Variants in NEK4 observed in about 807,000 individuals in gnomAD.
The protein encoded by NEK4 is NIMA related kinase 4, also known as serine/threonine-protein kinase Nek4.
Under a neutral mutation model 98.4 loss-of-function variants are expected in NEK4, and 86 were observed. That is an observed-to-expected ratio of 0.87 (90% CI 0.73 to 1.05). The LOEUF is 1.05. Ranked by LOEUF, NEK4 falls within the 50% of genes least tolerant of loss-of-function variation. NEK4 has a pLI of 0.00. For synonymous variants in NEK4, 328 were observed against 342.2 expected, an observed-to-expected ratio of 0.96 and a Z score of 0.46; for missense variants, 898 against 950.3, an observed-to-expected ratio of 0.94 and a Z score of 0.72.
At chr3:52,714,704 G>A (rs1466302785) in intron 15 of NEK4, among the ~76,000 whole-genome samples, 1 of 152,210 alleles carries the variant, frequency 6.6e-6, no homozygotes, top group Non-Finnish European at 1.5e-5. Flanking sequence ...GGGGCAGGCA[G>A]AGAGGTGCCC....
chr3:52,761,894 T>C (rs1165139480), intron 5 of NEK4, among the ~76,000 whole-genome samples: 1 of 152,212 alleles, frequency 6.6e-6, no homozygotes, highest in African/African-American at 2.4e-5. Context: ...AATAAATGCA[T>C]ACAGGAATAA....
rs143463853 is a variant in NEK4 at position 52,716,397 on chromosome 3, C to T, written c.2434-4528G>A. Among the ~76,000 whole-genome samples, 200 of 152,284 alleles carry T rather than the reference C, an allele frequency of 1.3e-3. 1 individual carries two copies. Among genetic ancestry groups the T allele is most frequent in the African/African-American group, 4.6e-3 (191 of 41,556 alleles). On this transcript the variant is annotated intron_variant, in intron 15 of 15. Coordinates refer to ENST00000233027, the MANE Select transcript of NEK4 (RefSeq NM_003157.6). ...AACCGAAATTGAGCTGTCAAGAAAT[C>T]GAGAGAATGAATTTCCCAAAGAGGC...
Position 52,766,344 on chromosome 3 carries a change from T to C in NEK4, c.392A>G (p.Asp131Gly). The C allele has an allele frequency of 1.2e-6, 2 of 1,613,914 alleles. No individual in the cohort carries two copies. The change falls in exon 3 of 16, where the codon GAT becomes GGT. Residue 131 changes from aspartate to glycine, a missense_variant. Physicochemically the swap from Asp to Gly is moderately conservative, Grantham distance 94 (BLOSUM62 -1). Coordinates refer to ENST00000233027, the MANE Select transcript of NEK4 (RefSeq NM_003157.6). ...YLHEKHILHR[D>G]LKTQNVFLTR... ...TAGGAAGACATTTTGAGTTTTCAGA[T>C]CTCGATGAAGGATGTGTTTTTCATG...
intron 15 of NEK4, chr3:52,733,470 C>T (rs933460813): frequency 1.2e-5 from 5 of 421,370 alleles, no homozygotes; most frequent in African/African-American, 4.2e-5. Context: ...TGTACAAGAA[C>T]TTCAGGCACA....
intron 8 of NEK4, 50 bp from the exon 9 acceptor site, chr3:52,746,954 T>A: frequency 7.2e-7 from 1 of 1,395,364 alleles, no homozygotes; most frequent in Non-Finnish European, 1.0e-6. Context: ...ACCTGGTACA[T>A]TGTAATCCAA....
intron 15 of NEK4, among the ~76,000 whole-genome samples, chr3:52,727,937 AAAG>A (rs1384321469): frequency 6.6e-6 from 1 of 152,252 alleles, no homozygotes; most frequent in Non-Finnish European, 1.5e-5. Flanking sequence ...TTACATTAAA[AAAG>A]AAAGATCTTG....
intron 15 of NEK4, among the ~76,000 whole-genome samples, chr3:52,722,759 G>C (rs961686336): frequency 2.6e-5 from 4 of 152,062 alleles, no homozygotes; most frequent in Admixed American, 2.6e-4. Flanking sequence ...AAAAAAAATA[G>C]CTGGGTGTGG....
intron 4 of NEK4, among the ~76,000 whole-genome samples, chr3:52,765,351 CA>C (rs1264958886): frequency 1.8e-3 from 105 of 59,236 alleles, no homozygotes; most frequent in East Asian, 3.3e-3. Context: ...AACTCCATCT[CA>C]AAAAAAAAAA....
chr3:52,763,576 T>C lies in NEK4; in HGVS notation c.715A>G (p.Arg239Gly), dbSNP rs35778416. Reference protein sequence around the residue: ...DYSPELAELIRTMLSKRPEER... With the variant: ...DYSPELAELIGTMLSKRPEER... ...TCAGGCCTTTTGCTCAGCATTGTTC[T>C]TATCAGTTCTGCCAGCTCTGGGCTG... Residue 239 changes from arginine to glycine, a missense_variant, in exon 5 of 16, where the codon AGA becomes GGA. Arg to Gly is a moderately radical substitution (Grantham distance 125, BLOSUM62 -2). Coordinates refer to ENST00000233027, the MANE Select transcript of NEK4 (RefSeq NM_003157.6). 13 of 1,612,696 alleles carry C rather than the reference T, an allele frequency of 8.1e-6. No individual in the cohort carries two copies. The highest frequency in any genetic ancestry group is 1.1e-5 in the Non-Finnish European group (13 of 1,179,276).
chr3:52,736,604 AG>A (rs369096369), intron 15 of NEK4, among the ~76,000 whole-genome samples: 3 of 151,888 alleles, frequency 2.0e-5, no homozygotes, highest in Non-Finnish European at 4.4e-5. Flanking sequence ...AAAAAAAAAA[AG>A]AATTATAGTA....
intron 12 of NEK4, among the ~76,000 whole-genome samples, chr3:52,743,076 C>A (rs543235230): frequency 6.6e-6 from 1 of 152,328 alleles, no homozygotes; most frequent in Admixed American, 6.5e-5. Flanking sequence ...TGAGCCACTG[C>A]ATCAGGCCAG....
intron 1 of NEK4, 39 bp downstream of exon 1, chr3:52,770,615 G>GC: frequency 1.6e-3 from 2,227 of 1,424,876 alleles, no homozygotes; most frequent in Non-Finnish European, 1.9e-3. Context: ...GCGCACTTCT[G>GC]CCCGCCCCCG....
intron 15 of NEK4, among the ~76,000 whole-genome samples, chr3:52,728,457 T>C (rs2097366558): frequency 6.6e-6 from 1 of 152,248 alleles, no homozygotes; most frequent in Non-Finnish European, 1.5e-5. Context: ...ACTTTTATAA[T>C]TTCTTACCCC....
At chr3:52,750,992 T>G (rs1471192486) in intron 7 of NEK4, among the ~76,000 whole-genome samples, 81 of 152,244 alleles carry the variant, frequency 5.3e-4, no homozygotes, top group Admixed American at 5.2e-3. Context: ...ACATCATAGA[T>G]AAACCTTGAA....
intron 5 of NEK4, among the ~76,000 whole-genome samples, chr3:52,761,907 T>G (rs1165853382): frequency 6.6e-6 from 1 of 152,172 alleles, no homozygotes; most frequent in African/African-American, 2.4e-5. Context: ...AGGAATAACA[T>G]CCCCAACTAT....
chr3:52,764,762 GCACACACACACACATGCA>G (rs1292301496), intron 4 of NEK4, among the ~76,000 whole-genome samples: 11 of 122,720 alleles, frequency 9.0e-5, no homozygotes, highest in African/African-American at 3.3e-4. Flanking sequence ...GCGTGCGCAT[GCACACACACACACATGCA>G]CACACACACA....
chr3:52,726,777 G>A (rs2097364983), intron 15 of NEK4, among the ~76,000 whole-genome samples: 1 of 151,676 alleles, frequency 6.6e-6, no homozygotes, highest in African/African-American at 2.4e-5. Flanking sequence ...GTGGTGGCAG[G>A]TGCCTGTAGT....
chr3:52,716,234 T>G (rs954589034), intron 15 of NEK4, among the ~76,000 whole-genome samples: 1 of 152,158 alleles, frequency 6.6e-6, no homozygotes, highest in African/African-American at 2.4e-5. Context: ...ACAAGCCCAG[T>G]GGGCCCAAGT....
intron 6 of NEK4, among the ~76,000 whole-genome samples, chr3:52,757,915 C>T (rs1204623811): frequency 6.6e-6 from 1 of 151,994 alleles, no homozygotes; most frequent in Admixed American, 6.6e-5. Context: ...GTGGCTCACA[C>T]CTGTAATCTC....
Sources: gnomAD v4.1 joint callset for allele counts (sites outside exome capture counted in the v4.1 genomes callset) on GRCh38, gnomAD v4.1.1 for gene constraint, MANE v1.5 for transcripts, NCBI Gene and HGNC (gene_info 2026-07-23, HGNC 2026-07-21) for gene names.